The following LHX8 variants were observed in gnomAD, a reference collection of about 807,000 sequenced individuals.
LHX8 encodes the protein LIM/homeobox protein Lhx8.
LHX8 carries 12 observed loss-of-function variants against 40.3 expected under a neutral mutation model. The observed-to-expected ratio is 0.30, with a 90% CI of 0.19 to 0.48. The LOEUF (loss-of-function observed/expected upper bound fraction) is 0.48, where lower values mean the gene tolerates loss of function less well. Ranked by LOEUF, LHX8 falls within the 20% of genes least tolerant of loss-of-function variation. The probability of loss-of-function intolerance (pLI) is 0.99; values close to 1 mark genes in which losing one functional copy is unlikely to be tolerated. For synonymous variants in LHX8, 179 were observed against 162.0 expected, an observed-to-expected ratio of 1.10 and a Z score of -0.80; for missense variants, 344 against 433.7, an observed-to-expected ratio of 0.79 and a Z score of 1.84.
At chr1:75,160,625 G>A in intron 8 of LHX8, 194 bp from the exon 9 acceptor site, 2 of 595,248 alleles carry the variant, frequency 3.4e-6, no homozygotes, top group East Asian at 5.7e-5. Context: ...AAAGATTTGG[G>A]GGTAAAACTG....
Position 75,135,567 on chromosome 1 carries a change from C to T in LHX8, c.-13+613C>T, listed in dbSNP as rs1022296842. ...TTCCAGAGGGAGGGAGAAGGGGAGG[C>T]GAACAGTCAGAAATGCAGAAGTGCG... On this transcript the variant is annotated intron_variant, in intron 1 of 8. Transcript: ENST00000356261. Among the ~76,000 whole-genome samples, 6 of 152,260 alleles carry T rather than the reference C, an allele frequency of 3.9e-5. No individual in the cohort carries two copies. The East Asian group carries it at 7.7e-4, about 20-fold the overall frequency.
Position 75,136,702 on chromosome 1 carries a change from G to A in LHX8, c.75+13G>A. ...GGAAGAGGGACTGGTGAGTGCGGAG[G>A]GGCTCGCGTGCTGGCAAGACTGGCC... On this transcript the variant is annotated intron_variant, in intron 2 of 8. Transcript: ENST00000356261. The A allele has an allele frequency of 6.5e-7, 1 of 1,539,652 alleles. No individual in the cohort carries two copies. Among genetic ancestry groups the A allele is most frequent in the South Asian group, 1.2e-5 (1 of 83,954 alleles).
chr1:75,133,573 T>C (rs1183198558), upstream of LHX8, among the ~76,000 whole-genome samples: 3 of 152,202 alleles, frequency 2.0e-5, no homozygotes, highest in Non-Finnish European at 4.4e-5. Context: ...CAAAAATCAT[T>C]TAAAAATAAT....
chr1:75,166,202 G>T (rs932851944), downstream of LHX8, among the ~76,000 whole-genome samples: 12 of 152,172 alleles, frequency 7.9e-5, no homozygotes, highest in Non-Finnish European at 1.8e-4. Flanking sequence ...CAGAGGTGGA[G>T]CATCTATGCT....
Position 75,140,976 on chromosome 1 carries a change from C to T in LHX8, c.238-9C>T, listed in dbSNP as rs1435164005. The T allele has an allele frequency of 1.9e-6, 3 of 1,613,318 alleles. No individual in the cohort carries two copies. The highest frequency in any genetic ancestry group is 2.2e-5 in the South Asian group (2 of 91,064). On this transcript the variant is annotated splice_polypyrimidine_tract_variant and intron_variant, in intron 3 of 8. Coordinates refer to ENST00000356261, the MANE Select transcript of LHX8 (RefSeq NM_001256114.2). ...TATGATATTACAATGGCTTCTCTTCCCTTCACAGGTGAATGACCTATGCTG... is the reference window on the plus strand; with the variant it reads ...TATGATATTACAATGGCTTCTCTTCTCTTCACAGGTGAATGACCTATGCTG...
At chr1:75,164,522 T>A (rs1449410261), downstream of LHX8, among the ~76,000 whole-genome samples, 1 of 152,172 alleles carries the variant, frequency 6.6e-6, no homozygotes, top group Non-Finnish European at 1.5e-5. Context: ...AAAAGGCTCT[T>A]GAAATGCATT....
At chr1:75,137,435 G>A (rs563719005) in intron 3 of LHX8, among the ~76,000 whole-genome samples, 174 bp downstream of exon 3, 1 of 152,286 alleles carries the variant, frequency 6.6e-6, no homozygotes, top group Non-Finnish European at 1.5e-5. Flanking sequence ...GATAAAGTGA[G>A]AAGAAATCCC....
the LHX8 span, among the ~76,000 whole-genome samples, chr1:75,173,483 C>T: frequency 0.014 from 2,079 of 149,434 alleles, 30 homozygotes; most frequent in Middle Eastern, 0.021. Context: ...TCCGGGTTCA[C>T]GCCATTCTCC....
chr1:75,137,456 A>G lies in LHX8; in HGVS notation c.237+195A>G, dbSNP rs78200959. Among the ~76,000 whole-genome samples, 1,395 of 152,268 alleles carry G rather than the reference A, an allele frequency of 9.2e-3. 26 individuals carry two copies. Among genetic ancestry groups the G allele is most frequent in the African/African-American group, 0.032 (1,335 of 41,516 alleles). ...GTGAGAAGAAATCCCAGACTCTTCT[A>G]TGTCGTTGCAAAACAGCTAATGTGT... On this transcript the variant is annotated intron_variant, in intron 3 of 8. Coordinates refer to ENST00000356261, the MANE Select transcript of LHX8 (RefSeq NM_001256114.2).
chr1:75,139,401 G>A (rs1489561315), intron 3 of LHX8, among the ~76,000 whole-genome samples: 1 of 152,138 alleles, frequency 6.6e-6, no homozygotes, highest in Non-Finnish European at 1.5e-5. Context: ...GGCTTTAGGA[G>A]GGAGTAAGAG....
chr1:75,130,683 C>T (rs757395167), upstream of LHX8: 24 of 1,609,974 alleles, frequency 1.5e-5, no homozygotes, highest in Non-Finnish European at 2.0e-5. Flanking sequence ...CCAAGGTGAG[C>T]CCGTATACAG....
the LHX8 span, among the ~76,000 whole-genome samples, chr1:75,173,702 A>T: frequency 1.3e-5 from 2 of 152,070 alleles, no homozygotes; most frequent in African/African-American, 4.8e-5. Flanking sequence ...ACTGTTAATC[A>T]TTATGCTATC....
the LHX8 span, among the ~76,000 whole-genome samples, chr1:75,188,742 G>A: frequency 1.7e-4 from 26 of 152,288 alleles, no homozygotes; most frequent in African/African-American, 6.3e-4. Context: ...GGTCTTCTGA[G>A]CTTTGTTTTC....
chr1:75,133,777 G>A (rs1280029775), upstream of LHX8, among the ~76,000 whole-genome samples: 3 of 152,192 alleles, frequency 2.0e-5, no homozygotes, highest in East Asian at 5.8e-4. Context: ...ATTTTGTCTA[G>A]GAGATGAAAG....
the LHX8 span, among the ~76,000 whole-genome samples, chr1:75,178,903 T>G: frequency 3.3e-5 from 5 of 152,236 alleles, no homozygotes; most frequent in African/African-American, 9.6e-5. Context: ...AAGTAACATC[T>G]TTATTTCTGC....
the LHX8 span, chr1:75,183,030 C>T: frequency 3.3e-5 from 5 of 152,210 alleles, no homozygotes; most frequent in Non-Finnish European, 7.3e-5. Flanking sequence ...GCTGTTATTA[C>T]AAAACTTGGC....
intron 3 of LHX8, among the ~76,000 whole-genome samples, chr1:75,138,705 G>A (rs1648221462): frequency 6.6e-6 from 1 of 152,166 alleles, no homozygotes; most frequent in Non-Finnish European, 1.5e-5. Context: ...TCACAGCAGA[G>A]AAGATATAGA....
intron 6 of LHX8, among the ~76,000 whole-genome samples, chr1:75,144,724 G>A (rs1289411703): frequency 6.6e-6 from 1 of 152,068 alleles, no homozygotes; most frequent in Non-Finnish European, 1.5e-5. Flanking sequence ...TAATGTGGCT[G>A]AGGTATTTGT....
chr1:75,157,183 T>C, intron 8 of LHX8, 107 bp downstream of exon 8: 2 of 1,270,414 alleles, frequency 1.6e-6, no homozygotes, highest in Non-Finnish European at 2.3e-6. Context: ...ACCTCAGTAG[T>C]AGCTGAAAAA....
Sources: gnomAD v4.1 joint callset for allele counts (sites outside exome capture counted in the v4.1 genomes callset) on GRCh38, gnomAD v4.1.1 for gene constraint, MANE v1.5 for transcripts, NCBI Gene and HGNC (gene_info 2026-07-23, HGNC 2026-07-21) for gene names.